The following SLC22A24 variants were observed in gnomAD, a reference collection of about 807,000 sequenced individuals.
The protein encoded by SLC22A24 is solute carrier family 22 member 24, also known as steroid transmembrane transporter SLC22A24.
Under a neutral mutation model 49.8 loss-of-function variants are expected in SLC22A24, and 53 were observed. The observed-to-expected ratio is 1.06, with a 90% confidence interval of 0.85 to 1.34. The LOEUF (loss-of-function observed/expected upper bound fraction) is 1.34, where lower values mean the gene tolerates loss of function less well. SLC22A24 is among the 40% of genes most tolerant of loss of function. SLC22A24 has a pLI of 0.00. For missense variants in SLC22A24, 786 were observed against 675.9 expected, an observed-to-expected ratio of 1.16 and a Z score of -1.81; for synonymous variants, 302 against 256.4, an observed-to-expected ratio of 1.18 and a Z score of -1.70.
intron 4 of SLC22A24, among the ~76,000 whole-genome samples, chr11:63,113,876 T>G (rs977253875): frequency 6.8e-6 from 1 of 146,292 alleles, no homozygotes; most frequent in East Asian, 2.0e-4. Flanking sequence ...AAAAAAGGAA[T>G]GTTGAATATG....
At chr11:63,129,243 C>G (rs2087316164) in intron 2 of SLC22A24, among the ~76,000 whole-genome samples, 1 of 152,182 alleles carries the variant, frequency 6.6e-6, no homozygotes, top group Non-Finnish European at 1.5e-5. Context: ...ATCCTTTCCC[C>G]ATTGCTTGTT....
rs542005239 is a variant in SLC22A24 at position 63,124,679 on chromosome 11, A to C, written c.507-5344T>G. On this transcript the variant is annotated intron_variant, in intron 2 of 9. Transcript: ENST00000612278. ...TTAGCTCTTACTAACAGTCTTTTCA[A>C]CTCAACTGTCACAAACCCTATCATT... 1.8e-4 allele frequency among the ~76,000 whole-genome samples: 27 copies of C among 152,248 alleles called. 1 individual carries two copies. The highest frequency in any genetic ancestry group is 1.1e-3 in the Admixed American group (17 of 15,286).
intron 1 of SLC22A24, among the ~76,000 whole-genome samples, chr11:63,142,944 C>G (rs2087425850): frequency 6.6e-6 from 1 of 152,094 alleles, no homozygotes; most frequent in South Asian, 2.1e-4. Flanking sequence ...CAAAAACAAC[C>G]AAAACTAAGT....
chr11:63,115,668 A>G (rs2087207454), intron 4 of SLC22A24, among the ~76,000 whole-genome samples: 1 of 152,116 alleles, frequency 6.6e-6, no homozygotes, highest in East Asian at 1.9e-4. Flanking sequence ...GGATCTGCAG[A>G]CCAGAGCTGT....
chr11:63,084,631 T>C (rs2086977283), intron 6 of SLC22A24, among the ~76,000 whole-genome samples: 1 of 152,154 alleles, frequency 6.6e-6, no homozygotes. Context: ...GATTTGATCA[T>C]CCACCATGCC....
intron 1 of SLC22A24, among the ~76,000 whole-genome samples, chr11:63,139,366 C>T (rs1179776199): frequency 2.0e-5 from 3 of 152,276 alleles, no homozygotes; most frequent in Admixed American, 6.5e-5. Flanking sequence ...TGTTCTGTTT[C>T]GCATTGTGTC....
At chr11:63,095,962 A>G (rs2087051503) in intron 6 of SLC22A24, 29 bp downstream of exon 6, 1 of 1,445,416 alleles carries the variant, frequency 6.9e-7, no homozygotes, top group Non-Finnish European at 9.5e-7. Flanking sequence ...CCAATATTTT[A>G]AAGTGAATCA....
Position 63,143,480 on chromosome 11 carries a change from G to C in SLC22A24, c.300C>G (p.His100Gln). 1 of 1,601,152 alleles carries C rather than the reference G, an allele frequency of 6.2e-7. No individual in the cohort carries two copies. Among genetic ancestry groups the C allele is most frequent in the Non-Finnish European group, 8.5e-7 (1 of 1,173,820 alleles). ...TTGTGTTGGGGAAGGTCCCGTTCAG[G>C]TGAAGGAGCTGCCACTGGGGATGGA... ...RFIHPQWQLL[H>Q]LNGTFPNTNE... The change falls in exon 1 of 10, where the codon CAC becomes CAG. Residue 100 changes from histidine (H) to glutamine (Q), a missense_variant. Coordinates refer to ENST00000612278, the MANE Select transcript of SLC22A24 (RefSeq NM_001136506.2).
intron 4 of SLC22A24, among the ~76,000 whole-genome samples, chr11:63,116,635 T>G (rs2087215029): frequency 6.6e-6 from 1 of 152,062 alleles, no homozygotes; most frequent in South Asian, 2.1e-4. Context: ...GATTAATGTT[T>G]CCAACATATT....
intron 2 of SLC22A24, among the ~76,000 whole-genome samples, chr11:63,129,674 C>T (rs964651896): frequency 4.6e-5 from 7 of 152,052 alleles, no homozygotes; most frequent in African/African-American, 1.4e-4. Flanking sequence ...TTGTAGTTTT[C>T]CTTGAGGAGG....
chr11:63,099,656 A>G (rs2087078681), intron 5 of SLC22A24, among the ~76,000 whole-genome samples: 1 of 152,084 alleles, frequency 6.6e-6, no homozygotes, highest in Non-Finnish European at 1.5e-5. Flanking sequence ...CCTGATGAAT[A>G]TTGATACAGA....
At chr11:63,118,113 T>C (rs1361300507) in intron 4 of SLC22A24, among the ~76,000 whole-genome samples, 1 of 152,092 alleles carries the variant, frequency 6.6e-6, no homozygotes, top group African/African-American at 2.4e-5. Flanking sequence ...CCAAATAGGG[T>C]CTTAGGGGAG....
intron 4 of SLC22A24, among the ~76,000 whole-genome samples, chr11:63,105,213 G>A (rs1269178364): frequency 6.6e-6 from 1 of 152,218 alleles, no homozygotes; most frequent in African/African-American, 2.4e-5. Context: ...TGCTTTTGCA[G>A]TCTGGCATTG....
chr11:63,095,913 T>C, intron 6 of SLC22A24, 78 bp downstream of exon 6: 1 of 1,057,862 alleles, frequency 9.5e-7, no homozygotes, highest in Non-Finnish European at 1.4e-6. Context: ...CTCCAAATGC[T>C]GCTGCTAATC....
intron 6 of SLC22A24, among the ~76,000 whole-genome samples, chr11:63,085,107 T>G (rs2135192417): frequency 6.6e-6 from 1 of 152,274 alleles, no homozygotes; most frequent in East Asian, 1.9e-4. Flanking sequence ...TGCTTTCTCA[T>G]TATTCGACAT....
chr11:63,099,300 T>C (rs949797452), intron 5 of SLC22A24, among the ~76,000 whole-genome samples: 1 of 150,096 alleles, frequency 6.7e-6, no homozygotes, highest in African/African-American at 2.4e-5. Flanking sequence ...CAGGCTGAGG[T>C]GATTGTTCCA....
chr11:63,100,840 G>A (rs2087085976), intron 5 of SLC22A24, among the ~76,000 whole-genome samples: 1 of 152,042 alleles, frequency 6.6e-6, no homozygotes, highest in South Asian at 2.1e-4. Flanking sequence ...TGAGAAAACT[G>A]GATATCCATT....
intron 4 of SLC22A24, among the ~76,000 whole-genome samples, chr11:63,117,897 C>T (rs568038944): frequency 1.3e-5 from 2 of 152,296 alleles, no homozygotes; most frequent in South Asian, 4.1e-4. Context: ...CAACACTCTG[C>T]ACTGTTCAAG....
In SLC22A24 at chr11:63,143,654, T is replaced by A; in HGVS notation, c.126A>T (p.Ala42=). ...FPNIVLENFT[A]FTPSHRCWVP... ...CCCAGCAGCGATGACTAGGGGTGAATGCAGTGAAGTTCTCCAACACAATAT... is the reference window on the plus strand; with the variant it reads ...CCCAGCAGCGATGACTAGGGGTGAAAGCAGTGAAGTTCTCCAACACAATAT... The change falls in exon 1 of 10, where the codon GCA becomes GCT. Residue 42 remains alanine (A), a synonymous_variant. Transcript: ENST00000612278. The A allele has an allele frequency of 6.3e-7, 1 of 1,599,436 alleles. No homozygotes were observed. The highest frequency in any genetic ancestry group is 1.7e-4 in the Middle Eastern group (1 of 6,002).
Sources: gnomAD v4.1 joint callset for allele counts (sites outside exome capture counted in the v4.1 genomes callset) on GRCh38, gnomAD v4.1.1 for gene constraint, MANE v1.5 for transcripts, NCBI Gene and HGNC (gene_info 2026-07-23, HGNC 2026-07-21) for gene names.